TP53I11: variants seen among roughly 807,000 people sequenced by gnomAD.
TP53I11 encodes the protein tumor protein p53 inducible protein 11, also known as tumor protein p53-inducible protein 11.
Under a neutral mutation model 23.3 loss-of-function variants are expected in TP53I11, and 9 were observed. The observed-to-expected ratio is 0.39, with a 90% CI of 0.23 to 0.67. The LOEUF is 0.67. TP53I11 is among the 30% of genes least tolerant of loss of function. The pLI is 0.48. For synonymous variants in TP53I11, 100 were observed against 106.1 expected (o/e 0.94, Z 0.35); for missense variants, 170 against 255.2 (o/e 0.67, Z 2.27).
At chr11:44,944,734 G>T (rs835982) in intron 1 of TP53I11, among the ~76,000 whole-genome samples, 2,705 of 152,236 alleles carry the variant, frequency 0.018, 90 homozygotes, top group African/African-American at 0.063. Context: ...TACTACTTCT[G>T]TACAAAGCCC....
chr11:44,939,851 C>T (rs1265567899), intron 1 of TP53I11, among the ~76,000 whole-genome samples: 8 of 152,228 alleles, frequency 5.3e-5, no homozygotes, highest in African/African-American at 1.7e-4. Flanking sequence ...GGAGTGGATA[C>T]GCCTTTCTCC....
chr11:44,937,475 C>G (rs570735158), intron 3 of TP53I11, 80 bp downstream of exon 3: 3 of 1,565,830 alleles, frequency 1.9e-6, no homozygotes, highest in Non-Finnish European at 2.6e-6. Flanking sequence ...AGGGACCAGG[C>G]CAAATGAGGT....
chr11:44,945,515 G>A (rs1002392013), intron 1 of TP53I11, among the ~76,000 whole-genome samples: 2 of 152,020 alleles, frequency 1.3e-5, no homozygotes, highest in Admixed American at 6.6e-5. Context: ...TTTGGTGGAC[G>A]TGAACTGAGC....
Position 44,937,141 on chromosome 11 carries a change from A to T in TP53I11, c.237+163T>A, listed in dbSNP as rs939508405. 5.0e-5 allele frequency: 44 copies of T among 887,288 alleles called. No individual in the cohort carries two copies. The East Asian group carries it at 1.0e-3, about 20-fold the overall frequency. 55.0% of individuals were successfully genotyped at this position (887,288 alleles called of 1,614,324 possible). On this transcript the variant is annotated intron_variant, in intron 4 of 6. Coordinates refer to ENST00000525680, the MANE Select transcript of TP53I11 (RefSeq NM_006034.5). ...TCTAGTGTGCTCCTGGAGAAGGCACAGGCGTGGCAGTGTAGGAGTCAGGTT... is the reference window on the plus strand; with the variant it reads ...TCTAGTGTGCTCCTGGAGAAGGCACTGGCGTGGCAGTGTAGGAGTCAGGTT...
chr11:44,936,122 G>T lies in TP53I11; in HGVS notation c.335-460C>A. ...GACTCGCTTTAAGGAAGTCCCCTGG[G>T]GGAGGGGGATGAACCATACTTTTTA... is the stretch of plus-strand genomic sequence containing the variant. On this transcript the variant is annotated intron_variant, in intron 5 of 6. Transcript: ENST00000525680. This position sits in a 1 kb window ranked among gnomAD's most constrained non-coding sequence, Gnocchi z 4.4. 2.7e-6 allele frequency: 2 copies of T among 730,220 alleles called. No homozygotes were observed. Among genetic ancestry groups the T allele is most frequent in the Non-Finnish European group, 3.4e-6 (2 of 588,966 alleles). 45.2% of individuals were successfully genotyped at this position (730,220 alleles called of 1,614,324 possible). A position where few individuals can be genotyped will look rare whatever the true frequency, so the allele number is the denominator to read the frequency against.
rs370273432 is a variant in TP53I11 at position 44,938,228 on chromosome 11, G to A, written c.108C>T (p.Asp36=). Residue 36 remains aspartate, a synonymous_variant, in exon 2 of 7, where the codon GAC becomes GAT. Coordinates refer to ENST00000525680, the MANE Select transcript of TP53I11 (RefSeq NM_006034.5). ...CCACCTTGGAGCGATGCACCTCCCCGTCGTCATCCTCCCCGCCCACGCCGA... is the reference window on the plus strand; with the variant it reads ...CCACCTTGGAGCGATGCACCTCCCCATCGTCATCCTCCCCGCCCACGCCGA... ...KILGVGGEDD[D]GEVHRSKISQ... 9.3e-6 allele frequency: 15 copies of A among 1,612,904 alleles called. No homozygotes were observed. Among genetic ancestry groups the A allele is most frequent in the African/African-American group, 4.0e-5 (3 of 74,878 alleles).
chr11:44,941,765 C>T (rs1454252565), intron 1 of TP53I11, among the ~76,000 whole-genome samples: 1 of 152,150 alleles, frequency 6.6e-6, no homozygotes, highest in African/African-American at 2.4e-5. Flanking sequence ...CTAACTAACA[C>T]TTCTTAACTT....
rs553582896 is a variant in TP53I11, at chr11:44,932,977, G to T, written c.*1907C>A. ...GAGGATTAGGCCTGGCTCAGATGGG[G>T]GATTGAGGCTTCGGCCTGAGGGCAC... On this transcript the variant is annotated 3_prime_UTR_variant, in exon 7 of 7. Transcript: ENST00000525680. The T allele has an allele frequency of 6.6e-6, 1 of 152,280 alleles. No homozygotes were observed. Among genetic ancestry groups the T allele is most frequent in the Admixed American group, 6.5e-5 (1 of 15,284 alleles). The allele number at this position is 152,280 out of a possible 1,614,324, so 9.4% of individuals were successfully genotyped here. A position where few individuals can be genotyped will look rare whatever the true frequency, so the allele number is the denominator to read the frequency against.
Position 44,945,749 on chromosome 11 carries a change from G to A in TP53I11, c.-32+4928C>T, listed in dbSNP as rs540252080. Among the ~76,000 whole-genome samples the A allele has an allele frequency of 2.0e-3, 299 of 152,322 alleles. 2 individuals are homozygous for A. The highest frequency in any genetic ancestry group is 7.0e-3 in the African/African-American group (291 of 41,562). Reference sequence around the variant, plus strand: ...ACACAGAGTTGGGGGGCGGGGTGCTGGCAGTGAGAGCCAGAGCCTCAGGCC... The same window carrying A: ...ACACAGAGTTGGGGGGCGGGGTGCTAGCAGTGAGAGCCAGAGCCTCAGGCC... On this transcript the variant is annotated intron_variant, in intron 1 of 6. Coordinates refer to ENST00000525680, the MANE Select transcript of TP53I11 (RefSeq NM_006034.5).
chr11:44,938,079 A>C, intron 2 of TP53I11, 128 bp downstream of exon 2: 2 of 1,334,532 alleles, frequency 1.5e-6, no homozygotes, highest in Non-Finnish European at 2.0e-6. Flanking sequence ...TTGCTGTTAC[A>C]TTTCTAGGAA....
intron 1 of TP53I11, 76 bp from the exon 2 acceptor site, chr11:44,938,442 G>A (rs1328226944): frequency 7.1e-7 from 1 of 1,418,330 alleles, no homozygotes; most frequent in East Asian, 2.7e-5. Context: ...CTGACTAGCG[G>A]AAGGCCACAC....
chr11:44,935,301 G>A (rs946194007), intron 6 of TP53I11, among the ~76,000 whole-genome samples: 4 of 152,152 alleles, frequency 2.6e-5, no homozygotes, highest in Non-Finnish European at 2.9e-5. Context: ...GGTGTGGGGG[G>A]GCCGCAGGTA....
intron 1 of TP53I11, among the ~76,000 whole-genome samples, chr11:44,938,946 G>A (rs1049895766): frequency 2.0e-5 from 3 of 152,146 alleles, no homozygotes; most frequent in Non-Finnish European, 4.4e-5. Flanking sequence ...GCTGCCAGGG[G>A]TGTTGACGGG....
At chr11:44,946,811 C>T (rs192617147) in intron 1 of TP53I11, among the ~76,000 whole-genome samples, 71 of 152,170 alleles carry the variant, frequency 4.7e-4, no homozygotes, top group African/African-American at 1.6e-3. Context: ...TCTCTAGGGC[C>T]CCTCCCAGCC....
At position 44,934,656 on chromosome 11, in the gene TP53I11, C is replaced by A. The variant is rs776205407; in HGVS notation, c.*228G>T. On this transcript the variant is annotated 3_prime_UTR_variant, in exon 7 of 7. Coordinates refer to ENST00000525680, the MANE Select transcript of TP53I11 (RefSeq NM_006034.5). ...ATCACTGTGAGGGTGAAGAACAGGG[C>A]AGCAGAGGCCCTGTCTCTCCCCAGA... 3.6e-5 allele frequency: 21 copies of A among 577,956 alleles called. No homozygotes were observed. The highest frequency in any genetic ancestry group is 6.1e-5 in the Non-Finnish European group (20 of 330,506). 35.8% of individuals were successfully genotyped at this position (577,956 alleles called of 1,614,324 possible). A position where few individuals can be genotyped will look rare whatever the true frequency, so the allele number is the denominator to read the frequency against.
intron 1 of TP53I11, among the ~76,000 whole-genome samples, chr11:44,945,934 C>G (rs1862351561): frequency 6.6e-6 from 1 of 152,174 alleles, no homozygotes; most frequent in African/African-American, 2.4e-5. Flanking sequence ...ATCCCCTAGC[C>G]CAGAATCTAT....
Position 44,934,554 on chromosome 11 carries a change from C to T in TP53I11, c.*330G>A, listed in dbSNP as rs957288046. The T allele has an allele frequency of 1.8e-5, 5 of 276,216 alleles. No homozygotes were observed. Among genetic ancestry groups the T allele is most frequent in the African/African-American group, 1.1e-4 (5 of 46,824 alleles). The allele number at this position is 276,216 out of a possible 1,614,324, so 17.1% of individuals were successfully genotyped here. On this transcript the variant is annotated 3_prime_UTR_variant, in exon 7 of 7. Transcript: ENST00000525680. ...GCTGGACCCTCGACTTAGCCCACTACCCTCATGACTCCAGCCTGACTTTAG... is the reference window on the plus strand; with the variant it reads ...GCTGGACCCTCGACTTAGCCCACTATCCTCATGACTCCAGCCTGACTTTAG...
intron 1 of TP53I11, among the ~76,000 whole-genome samples, chr11:44,938,798 G>T (rs1257769251): frequency 6.6e-6 from 1 of 152,148 alleles, no homozygotes; most frequent in Non-Finnish European, 1.5e-5. Flanking sequence ...TGAGTTCTGG[G>T]GTTTGGGCCC....
chr11:44,947,252 C>CT (rs1164882080), intron 1 of TP53I11: 2 of 397,766 alleles, frequency 5.0e-6, no homozygotes, highest in Non-Finnish European at 1.0e-5. Context: ...CTTTTCGACT[C>CT]TGAGAATAGG....
Sources: gnomAD v4.1 joint callset for allele counts (sites outside exome capture counted in the v4.1 genomes callset) on GRCh38, gnomAD v4.1.1 for gene constraint, Gnocchi (gnomAD v3.1) non-coding constraint, MANE v1.5 for transcripts, NCBI Gene and HGNC (gene_info 2026-07-23, HGNC 2026-07-21) for gene names.